Variants in DOCK1 observed in about 807,000 individuals in gnomAD.
DOCK1 encodes dedicator of cytokinesis protein 1.
DOCK1 carries 138 observed loss-of-function variants against 262.7 expected under a neutral mutation model. The ratio of observed to expected loss-of-function variants is 0.53; its 90% CI spans 0.46 to 0.61. The LOEUF (loss-of-function observed/expected upper bound fraction) is 0.61. DOCK1 is among the 20% of genes least tolerant of loss of function. The probability of loss-of-function intolerance (pLI) is 0.00; values close to 1 mark genes in which losing one functional copy is unlikely to be tolerated. For missense variants in DOCK1, 1,908 were observed against 2,370.7 expected (o/e 0.80, Z 4.05); for synonymous variants, 866 against 867.4 (o/e 1.00, Z 0.03).
intron 27 of DOCK1, among the ~76,000 whole-genome samples, chr10:127,229,640 G>A (rs1227348192): frequency 3.9e-5 from 6 of 152,122 alleles, no homozygotes; most frequent in East Asian, 3.9e-4. Context: ...ATTGATGCAC[G>A]CTTAGGCTGT....
intron 22 of DOCK1, among the ~76,000 whole-genome samples, chr10:127,059,408 C>G (rs965833128): frequency 5.9e-5 from 9 of 152,128 alleles, no homozygotes; most frequent in Non-Finnish European, 1.3e-4. Flanking sequence ...TTATCTTCCT[C>G]CTTTTCTCCT....
intron 29 of DOCK1, among the ~76,000 whole-genome samples, chr10:127,297,579 G>A (rs1300691650): frequency 1.3e-5 from 2 of 152,164 alleles, no homozygotes; most frequent in African/African-American, 2.4e-5. Context: ...TTTTCATCAC[G>A]TTTTCATAAT....
intron 27 of DOCK1, among the ~76,000 whole-genome samples, chr10:127,225,936 G>A (rs1240967241): frequency 6.6e-6 from 1 of 152,078 alleles, no homozygotes; most frequent in East Asian, 1.9e-4. Context: ...AAGTTAGCAG[G>A]GCATGGTGGC....
chr10:127,192,955 T>G (rs2056856319), intron 27 of DOCK1, among the ~76,000 whole-genome samples: 1 of 152,212 alleles, frequency 6.6e-6, no homozygotes, highest in Non-Finnish European at 1.5e-5. Context: ...ATATATATCA[T>G]AGGTTAGCTC....
intron 1 of DOCK1, among the ~76,000 whole-genome samples, chr10:126,954,655 T>A (rs1168288722): frequency 6.6e-6 from 1 of 152,224 alleles, no homozygotes; most frequent in African/African-American, 2.4e-5. Flanking sequence ...GTGACTACTC[T>A]AAGAACTTCG....
intron 19 of DOCK1, among the ~76,000 whole-genome samples, chr10:127,041,065 A>G (rs890648698): frequency 1.3e-5 from 2 of 152,068 alleles, no homozygotes; most frequent in African/African-American, 4.8e-5. Flanking sequence ...AGGTTTATTC[A>G]TGCCGTAGTG....
chr10:127,420,771 G>A (rs757689054), intron 46 of DOCK1, among the ~76,000 whole-genome samples: 3 of 151,644 alleles, frequency 2.0e-5, no homozygotes, highest in Admixed American at 6.6e-5. Context: ...CCCGGGAGGC[G>A]GAGGTTGCAG....
intron 29 of DOCK1, among the ~76,000 whole-genome samples, chr10:127,309,284 T>G (rs1401047831): frequency 6.6e-6 from 1 of 152,168 alleles, no homozygotes; most frequent in African/African-American, 2.4e-5. Context: ...TTGATGGGGT[T>G]GTTCATTTTT....
intron 32 of DOCK1, among the ~76,000 whole-genome samples, chr10:127,359,437 T>G (rs764228545): frequency 6.6e-6 from 1 of 152,234 alleles, no homozygotes; most frequent in Non-Finnish European, 1.5e-5. Flanking sequence ...CAGAACTTTA[T>G]GACGCTGAAA....
At chr10:126,971,370 G>A (rs376641533) in intron 2 of DOCK1, among the ~76,000 whole-genome samples, 4 of 152,054 alleles carry the variant, frequency 2.6e-5, no homozygotes, top group African/African-American at 9.7e-5. Context: ...TATAAATCTT[G>A]ATTGTTAACA....
At chr10:126,952,218 G>C in intron 1 of DOCK1, among the ~76,000 whole-genome samples, 1 of 152,182 alleles carries the variant, frequency 6.6e-6, no homozygotes, top group East Asian at 1.9e-4. Context: ...TGATACGGTA[G>C]TATTGTTATT....
chr10:127,263,155 C>A (rs1250221762), intron 29 of DOCK1, among the ~76,000 whole-genome samples: 1 of 152,202 alleles, frequency 6.6e-6, no homozygotes, highest in Non-Finnish European at 1.5e-5. Flanking sequence ...GTGTGGAATT[C>A]ATTACATTGC....
intron 1 of DOCK1, among the ~76,000 whole-genome samples, chr10:126,948,835 C>T (rs891176335): frequency 6.6e-6 from 1 of 152,050 alleles, no homozygotes; most frequent in African/African-American, 2.4e-5. Flanking sequence ...GAACCTTGCC[C>T]CCTATGCCTT....
rs2070524664 is a variant in DOCK1 at position 127,446,054 on chromosome 10, C to A, written c.5414-1340C>A. Reference sequence around the variant, plus strand: ...TCAGCTGAGGTCAGGAGTTCGAGACCAGCCAGTCAACATGGTAAAACCCCG... The same window carrying A: ...TCAGCTGAGGTCAGGAGTTCGAGACAAGCCAGTCAACATGGTAAAACCCCG... On this transcript the variant is annotated intron_variant, in intron 50 of 51. Coordinates refer to ENST00000623213, the MANE Select transcript of DOCK1 (RefSeq NM_001290223.2). The surrounding 1 kb of genome is among the most constrained non-coding windows in gnomAD (Gnocchi z 4.4). Among the ~76,000 whole-genome samples, 1 of 152,108 alleles carries A rather than the reference C, an allele frequency of 6.6e-6. No individual in the cohort carries two copies. The highest frequency in any genetic ancestry group is 6.5e-5 in the Admixed American group (1 of 15,268).
chr10:127,108,461 C>T (rs1265365950), intron 24 of DOCK1, among the ~76,000 whole-genome samples: 10 of 152,118 alleles, frequency 6.6e-5, no homozygotes, highest in African/African-American at 1.9e-4. Context: ...ATGGCGGGTG[C>T]CTGTAATCCC....
intron 38 of DOCK1, among the ~76,000 whole-genome samples, chr10:127,387,574 A>G (rs996506944): frequency 1.3e-5 from 2 of 152,124 alleles, no homozygotes; most frequent in African/African-American, 4.8e-5. Context: ...GGCACCCACT[A>G]TCATTTGCAA....
chr10:127,301,466 G>A (rs1815173731), intron 29 of DOCK1, among the ~76,000 whole-genome samples: 1 of 152,208 alleles, frequency 6.6e-6, no homozygotes, highest in African/African-American at 2.4e-5. Context: ...TTGGTGGAGG[G>A]AGGAAAGAAG....
intron 1 of DOCK1, among the ~76,000 whole-genome samples, chr10:126,944,773 G>C (rs1271588848): frequency 6.6e-6 from 1 of 152,084 alleles, no homozygotes; most frequent in Non-Finnish European, 1.5e-5. Flanking sequence ...AGAGCTCTCA[G>C]TAAGAAGCTG....
At chr10:127,442,981 G>C (rs898618072) in intron 49 of DOCK1, among the ~76,000 whole-genome samples, 12 of 152,346 alleles carry the variant, frequency 7.9e-5, no homozygotes, top group South Asian at 4.1e-4. Context: ...ACCACATGCT[G>C]GGCGGCTCCA....
Sources: allele counts gnomAD v4.1 joint callset (sites outside exome capture counted in the v4.1 genomes callset), GRCh38; gene constraint gnomAD v4.1.1; non-coding constraint Gnocchi (gnomAD v3.1); transcripts MANE v1.5; gene names NCBI Gene and HGNC (gene_info 2026-07-23, HGNC 2026-07-21).